NAA60: variants seen among roughly 807,000 people sequenced by gnomAD.
The protein encoded by NAA60 is N-alpha-acetyltransferase 60.
Under a neutral mutation model 26.1 loss-of-function variants are expected in NAA60, and 8 were observed. The ratio of observed to expected loss-of-function variants is 0.31; its 90% confidence interval spans 0.18 to 0.55. The LOEUF (loss-of-function observed/expected upper bound fraction) is 0.55, where lower values mean the gene tolerates loss of function less well. Ranked by LOEUF, NAA60 falls within the 20% of genes least tolerant of loss-of-function variation. The pLI, the probability that NAA60 is intolerant of heterozygous loss-of-function variation, is 0.93. For synonymous variants in NAA60, 131 were observed against 122.5 expected (o/e 1.07, Z -0.46); for missense variants, 290 against 311.3 (o/e 0.93, Z 0.51).
chr16:3,444,170 G>A (rs374375089), intron 1 of NAA60, among the ~76,000 whole-genome samples: 3 of 152,032 alleles, frequency 2.0e-5, no homozygotes, highest in African/African-American at 7.2e-5. Flanking sequence ...GACGTTGTTC[G>A]CCCCCGGATA....
intron 4 of NAA60, among the ~76,000 whole-genome samples, chr16:3,481,670 G>A (rs2036846742): frequency 6.6e-6 from 1 of 152,228 alleles, no homozygotes; most frequent in African/African-American, 2.4e-5. Flanking sequence ...GTGAGTTCAA[G>A]GTCAGGGCAA....
intron 2 of NAA60, among the ~76,000 whole-genome samples, chr16:3,458,807 C>T (rs2035180217): frequency 6.6e-6 from 1 of 152,210 alleles, no homozygotes; most frequent in Non-Finnish European, 1.5e-5. Flanking sequence ...CCCACACCCC[C>T]AGCTCCGACT....
At chr16:3,478,845 G>C (rs897417064) in intron 3 of NAA60, among the ~76,000 whole-genome samples, 3 of 152,184 alleles carry the variant, frequency 2.0e-5, no homozygotes, top group African/African-American at 7.2e-5. Context: ...AGGGTGAGAA[G>C]GGCCCTAAAA....
At chr16:3,473,106 G>T (rs548622128) in intron 2 of NAA60, among the ~76,000 whole-genome samples, 1 of 152,230 alleles carries the variant, frequency 6.6e-6, no homozygotes, top group African/African-American at 2.4e-5. Flanking sequence ...CACCATCTCA[G>T]CTCACTGCAA....
At position 3,443,759 on chromosome 16, in the gene NAA60, G is replaced by A. The variant is rs2034436327; in HGVS notation, c.-155G>A. The A allele has an allele frequency of 2.6e-6, 4 of 1,533,130 alleles. No homozygotes were observed. Among genetic ancestry groups the A allele is most frequent in the South Asian group, 1.2e-5 (1 of 83,812 alleles). The allele number at this position is 1,533,130 out of a possible 1,614,324, so 95.0% of individuals were successfully genotyped here. ...AGTAGAGTCTTAGGGTGACCCCAGG[G>A]GGACGTAATGTTTCCGAGAAGAAGG... is the stretch of plus-strand genomic sequence containing the variant. On this transcript the variant is annotated 5_prime_UTR_variant, in exon 1 of 8. Transcript: ENST00000407558.
intron 2 of NAA60, chr16:3,458,174 C>T (rs1380305786): frequency 6.5e-5 from 64 of 984,848 alleles, no homozygotes; most frequent in Non-Finnish European, 7.6e-5. Flanking sequence ...CGCCGGCTCC[C>T]CCACGAGGTG....
intron 5 of NAA60, 145 bp downstream of exon 5, chr16:3,482,743 C>T: frequency 1.5e-6 from 1 of 664,382 alleles, no homozygotes; most frequent in South Asian, 1.7e-5. Context: ...ATCCTCGTTC[C>T]CGTCTTGGGC....
At chr16:3,462,085 T>TCAAAAAAAA (rs2035437451) in intron 2 of NAA60, among the ~76,000 whole-genome samples, 3 of 47,984 alleles carry the variant, frequency 6.3e-5, no homozygotes, top group Non-Finnish European at 1.1e-4. Flanking sequence ...AGACCTTATA[T>TCAAAAAAAA]CAAAAAAAAA....
chr16:3,445,150 C>G (rs562079696), intron 1 of NAA60, among the ~76,000 whole-genome samples: 1 of 152,114 alleles, frequency 6.6e-6, no homozygotes, highest in African/African-American at 2.4e-5. Flanking sequence ...CTAGACCAGT[C>G]CAAAGCATAT....
At chr16:3,455,115 G>A (rs1450383729) in intron 2 of NAA60, among the ~76,000 whole-genome samples, 1 of 152,074 alleles carries the variant, frequency 6.6e-6, no homozygotes, top group Non-Finnish European at 1.5e-5. Flanking sequence ...GCAATGGTGC[G>A]ATCTCGGCTC....
chr16:3,471,738 A>T (rs76127914), intron 2 of NAA60, among the ~76,000 whole-genome samples: 1 of 151,966 alleles, frequency 6.6e-6, no homozygotes, highest in Non-Finnish European at 1.5e-5. Context: ...TTTCAGAGCC[A>T]GCTGGCCCTG....
intron 4 of NAA60, among the ~76,000 whole-genome samples, chr16:3,481,234 C>T (rs1022197890): frequency 6.6e-6 from 1 of 152,038 alleles, no homozygotes; most frequent in African/African-American, 2.4e-5. Context: ...GGATTTTAGA[C>T]GTGCGCCACC....
At chr16:3,466,273 C>T (rs1484332859) in intron 2 of NAA60, among the ~76,000 whole-genome samples, 3 of 152,194 alleles carry the variant, frequency 2.0e-5, no homozygotes, top group East Asian at 1.9e-4. Context: ...GGGCTCCCCT[C>T]GGCACATGAT....
intron 2 of NAA60, among the ~76,000 whole-genome samples, chr16:3,466,619 T>C (rs2035778673): frequency 6.6e-6 from 1 of 152,246 alleles, no homozygotes; most frequent in South Asian, 2.1e-4. Flanking sequence ...CTAGTAAACC[T>C]TGCAGCTGCA....
chr16:3,443,746 G>C lies in NAA60; in HGVS notation c.-168G>C. On this transcript the variant is annotated 5_prime_UTR_variant, in exon 1 of 8. Transcript: ENST00000407558. ...GTTTGCCTGCTGAAGTAGAGTCTTAGGGTGACCCCAGGGGGACGTAATGTT... is the reference window on the plus strand; with the variant it reads ...GTTTGCCTGCTGAAGTAGAGTCTTACGGTGACCCCAGGGGGACGTAATGTT... 6.5e-7 allele frequency: 1 copy of C among 1,530,258 alleles called. No homozygotes were observed. The highest frequency in any genetic ancestry group is 8.7e-7 in the Non-Finnish European group (1 of 1,143,912). The allele number at this position is 1,530,258 out of a possible 1,614,324, so 94.8% of individuals were successfully genotyped here. A position where few individuals can be genotyped will look rare whatever the true frequency, so the allele number is the denominator to read the frequency against.
chr16:3,481,701 G>A (rs2036848251), intron 4 of NAA60, among the ~76,000 whole-genome samples: 1 of 152,196 alleles, frequency 6.6e-6, no homozygotes, highest in African/African-American at 2.4e-5. Context: ...GTTAAGAGAT[G>A]TCAGCTGGGG....
In NAA60 at chr16:3,485,521, GC is replaced by G. The variant is rs1447496193; in HGVS notation, c.*267del. On this transcript the variant is annotated 3_prime_UTR_variant, in exon 8 of 8. Coordinates refer to ENST00000407558, the MANE Select transcript of NAA60 (RefSeq NM_001083601.3). The stretch of plus-strand genomic sequence containing the variant: ...AACCTCTGCCTGCTGCCCTGGCCCT[GC>G]CCCCCTGCGCATGCACCGTCCCCAG... The G allele has an allele frequency of 2.2e-6, 1 of 455,350 alleles. No homozygotes were observed. 28.2% of individuals were successfully genotyped at this position (455,350 alleles called of 1,614,324 possible). A position where few individuals can be genotyped will look rare whatever the true frequency, so the allele number is the denominator to read the frequency against.
At chr16:3,443,638 C>T (rs1030402716), upstream of NAA60, 12 of 1,082,502 alleles carry the variant, frequency 1.1e-5, no homozygotes, top group African/African-American at 1.6e-4. Context: ...CACTGGGCAG[C>T]TGCGAGAGGT....
intron 2 of NAA60, among the ~76,000 whole-genome samples, chr16:3,467,462 G>A (rs1159582264): frequency 6.6e-6 from 1 of 152,182 alleles, no homozygotes; most frequent in African/African-American, 2.4e-5. Flanking sequence ...AGCGCAGCAT[G>A]ACTTGTTGGT....
Sources: allele counts gnomAD v4.1 joint callset (sites outside exome capture counted in the v4.1 genomes callset), GRCh38; gene constraint gnomAD v4.1.1; transcripts MANE v1.5; gene names NCBI Gene and HGNC (gene_info 2026-07-23, HGNC 2026-07-21).